Variants in SYNE2 observed in about 807,000 individuals in gnomAD.
The protein encoded by SYNE2 is nesprin-2.
Under a neutral mutation model 856.3 loss-of-function variants are expected in SYNE2, and 431 were observed. The ratio of observed to expected loss-of-function variants is 0.50; its 90% CI spans 0.47 to 0.55. The LOEUF (loss-of-function observed/expected upper bound fraction) is 0.55, where lower values mean the gene tolerates loss of function less well. Ranked by LOEUF, SYNE2 falls within the 20% of genes least tolerant of loss-of-function variation. The pLI, the probability that SYNE2 is intolerant of heterozygous loss-of-function variation, is 0.00. For missense variants in SYNE2, 8,129 were observed against 8,023.2 expected (o/e 1.01, Z -0.50); for synonymous variants, 2,923 against 2,872.3 (o/e 1.02, Z -0.56).
intron 73 of SYNE2, 92 bp downstream of exon 73, chr14:64,126,899 A>C: frequency 7.6e-7 from 1 of 1,319,148 alleles, no homozygotes; most frequent in Admixed American, 1.9e-5. Context: ...GACATTTGTT[A>C]ATAAGAATTG....
chr14:63,869,619 A>G (rs994816235), intron 1 of SYNE2, among the ~76,000 whole-genome samples: 10 of 140,726 alleles, frequency 7.1e-5, no homozygotes, highest in African/African-American at 2.7e-4. Context: ...CTGGGCAACA[A>G]GAGCGAAACT....
intron 113 of SYNE2, 41 bp from the exon 114 acceptor site, chr14:64,224,420 A>G (rs2098708989): frequency 1.9e-6 from 3 of 1,583,912 alleles, no homozygotes; most frequent in South Asian, 1.1e-5. Context: ...AATATGCATG[A>G]AACACATTTC....
rs770716382 is a variant in SYNE2, at chr14:64,107,592, C to G, written c.12594C>G (p.Pro4198=). Residue 4198 remains proline (P), a synonymous_variant, in exon 65 of 116, where the codon CCC becomes CCG. Coordinates refer to ENST00000555002, the MANE Select transcript of SYNE2 (RefSeq NM_182914.3). ...TEQGPECSLR[P]NQTEEGTTPP... is the part of the protein sequence containing the mutation. ...AAGGCCCAGAATGTTCCCTAAGGCC[C>G]AACCAAACAGAAGAGGTAAGTCCTG... 6.2e-7 allele frequency: 1 copy of G among 1,613,932 alleles called. No homozygotes were observed. Among genetic ancestry groups the G allele is most frequent in the Non-Finnish European group, 8.5e-7 (1 of 1,179,916 alleles).
chr14:64,052,268 G>A lies in SYNE2; in HGVS notation c.8355G>A (p.Leu2785=). Reference sequence around the variant, plus strand: ...CTAGGCAGCAGTCTGTGGAATCGTTGGCTGAAGAGGTCAAAGATAAGGTTC... The same window carrying A: ...CTAGGCAGCAGTCTGTGGAATCGTTAGCTGAAGAGGTCAAAGATAAGGTTC... ...ILARQQSVES[L]AEEVKDKVPS... is the part of the protein sequence containing the mutation. The change falls in exon 48 of 116, where the codon TTG becomes TTA. Residue 2785 remains leucine, a synonymous_variant. Transcript: ENST00000555002. The A allele has an allele frequency of 6.2e-7, 1 of 1,614,164 alleles. No homozygotes were observed. The highest frequency in any genetic ancestry group is 8.5e-7 in the Non-Finnish European group (1 of 1,180,034).
At position 64,003,173 on chromosome 14, in the gene SYNE2, C is replaced by T; in HGVS notation, c.4240C>T (p.His1414Tyr). Residue 1414 changes from histidine to tyrosine, a missense_variant, in exon 30 of 116, where the codon CAT (histidine) becomes TAT (tyrosine). By Grantham distance (83) the His-to-Tyr change is moderately conservative. Transcript: ENST00000555002. The stretch of plus-strand genomic sequence containing the variant: ...TTTTTCAATAAAGTTATCTGAGACA[C>T]ATGGCTATGGGGTACAGGAGGAATT... ...DAFSIKLSET[H>Y]GYGVQEEFTE... The T allele has an allele frequency of 1.2e-6, 2 of 1,614,144 alleles. No individual in the cohort carries two copies. Among genetic ancestry groups the T allele is most frequent in the South Asian group, 2.2e-5 (2 of 91,082 alleles).
At position 63,909,319 on chromosome 14, in the gene SYNE2, A is replaced by T. The variant is rs1185969736; in HGVS notation, c.79+92A>T. 2.7e-5 allele frequency: 21 copies of T among 764,166 alleles called. No homozygotes were observed. The East Asian group carries it at 4.8e-4, about 17-fold the overall frequency. 47.3% of individuals were successfully genotyped at this position (764,166 alleles called of 1,614,324 possible). On this transcript the variant is annotated intron_variant, in intron 2 of 115. Coordinates refer to ENST00000555002, the MANE Select transcript of SYNE2 (RefSeq NM_182914.3). Reference sequence around the variant, plus strand: ...AGTCACACTGATTTTCGTCTCTCTTATGGAGATAAATATATCTGTATTTTT... The same window carrying T: ...AGTCACACTGATTTTCGTCTCTCTTTTGGAGATAAATATATCTGTATTTTT...
chr14:64,003,501 G>T (rs1230408255), intron 30 of SYNE2, among the ~76,000 whole-genome samples, 171 bp downstream of exon 30: 1 of 152,020 alleles, frequency 6.6e-6, no homozygotes, highest in African/African-American at 2.4e-5. Context: ...CCTTTTTGTT[G>T]GTATTGTACC....
intron 56 of SYNE2, 126 bp from the exon 57 acceptor site, chr14:64,081,317 C>A: frequency 8.7e-7 from 1 of 1,150,060 alleles, no homozygotes; most frequent in Non-Finnish European, 1.3e-6. Context: ...TAGCCCCAGC[C>A]ATGGGGAGCA....
chr14:63,943,710 G>T (rs201337459), intron 6 of SYNE2, among the ~76,000 whole-genome samples: 1 of 149,310 alleles, frequency 6.7e-6, no homozygotes, highest in Non-Finnish European at 1.5e-5. Context: ...TTGCTCTGTC[G>T]CCCAGGCTGG....
chr14:63,978,792 G>C (rs2153470836), intron 13 of SYNE2, 60 bp from the exon 14 acceptor site: 3 of 1,439,256 alleles, frequency 2.1e-6, no homozygotes, highest in Non-Finnish European at 1.9e-6. Flanking sequence ...ATGCTGAACA[G>C]ATTTCTCACA....
At chr14:63,973,554 C>T (rs539331654) in intron 11 of SYNE2, among the ~76,000 whole-genome samples, 23 of 145,716 alleles carry the variant, frequency 1.6e-4, no homozygotes, top group Admixed American at 4.2e-4. Context: ...ATTGCTTGAA[C>T]CTGGGAGGTG....
At chr14:63,845,508 T>G (rs1246993938) in intron 1 of SYNE2, among the ~76,000 whole-genome samples, 2 of 152,084 alleles carry the variant, frequency 1.3e-5, no homozygotes, top group African/African-American at 4.8e-5. Flanking sequence ...AAATTTAGTG[T>G]TATACTTTCT....
intron 1 of SYNE2, among the ~76,000 whole-genome samples, chr14:63,904,434 C>T (rs2095380351): frequency 6.6e-6 from 1 of 152,174 alleles, no homozygotes; most frequent in South Asian, 2.1e-4. Flanking sequence ...TTTACTTTCC[C>T]ACTGACAGTT....
intron 53 of SYNE2, among the ~76,000 whole-genome samples, chr14:64,074,490 G>T (rs2097440940): frequency 6.6e-6 from 1 of 152,202 alleles, no homozygotes; most frequent in African/African-American, 2.4e-5. Context: ...GTCTCTGACA[G>T]GGTCTATGTA....
rs769668392 is a variant in SYNE2, at chr14:64,142,084, A to C, written c.15302A>C (p.His5101Pro). Reference sequence around the variant, plus strand: ...CAAGTTAAACATCTTCTTCAGAAGCACAAGGTAATTATGCAAAAGGAGCAG... The same window carrying C: ...CAAGTTAAACATCTTCTTCAGAAGCCCAAGGTAATTATGCAAAAGGAGCAG... The part of the protein sequence containing the change: ...ASQVKHLLQK[H>P]KEFRMEMDYK... The change falls in exon 82 of 116, where the codon CAC (histidine) becomes CCC (proline). Residue 5101 changes from histidine to proline, a missense_variant. Physicochemically the swap from His to Pro is moderately conservative, Grantham distance 77. Around this residue, in one of 3 missense-constraint regions of SYNE2, gnomAD observed 5,410 missense variants for 5,284.8 expected, o/e 1.02. Coordinates refer to ENST00000555002, the MANE Select transcript of SYNE2 (RefSeq NM_182914.3). 1.9e-6 allele frequency: 3 copies of C among 1,614,038 alleles called. No individual in the cohort carries two copies. The African/African-American group carries it at 4.0e-5, about 22-fold the overall frequency.
chr14:64,164,974 A>C (rs1595929956), intron 89 of SYNE2, among the ~76,000 whole-genome samples: 1 of 151,864 alleles, frequency 6.6e-6, no homozygotes, highest in African/African-American at 2.4e-5. Flanking sequence ...TGCAGCCTTG[A>C]CCTCCCAGGT....
chr14:63,902,928 T>C (rs2095358406), intron 1 of SYNE2, among the ~76,000 whole-genome samples: 2 of 152,184 alleles, frequency 1.3e-5, no homozygotes, highest in African/African-American at 4.8e-5. Context: ...TCCTCCTGCC[T>C]CTGGCTTCCT....
chr14:63,787,960 C>T (rs1474563626), intron 1 of SYNE2, among the ~76,000 whole-genome samples: 2 of 152,202 alleles, frequency 1.3e-5, no homozygotes, highest in African/African-American at 2.4e-5. Context: ...GGGGCTTCTG[C>T]AGGCCAGTGC....
chr14:64,202,544 C>T (rs2098578358), intron 99 of SYNE2, among the ~76,000 whole-genome samples: 1 of 152,164 alleles, frequency 6.6e-6, no homozygotes. Context: ...GATAGGACTT[C>T]CATTTGCATG....
Sources: allele counts gnomAD v4.1 joint callset (sites outside exome capture counted in the v4.1 genomes callset), GRCh38; gene constraint gnomAD v4.1.1; regional missense constraint gnomAD v4.1.1; transcripts MANE v1.5; gene names NCBI Gene and HGNC (gene_info 2026-07-23, HGNC 2026-07-21).